PTPN12: variants seen among roughly 807,000 people sequenced by gnomAD.
The protein encoded by PTPN12 is protein tyrosine phosphatase non-receptor type 12.
Under a neutral mutation model 97.6 loss-of-function variants are expected in PTPN12, and 29 were observed. That is an observed-to-expected ratio of 0.30 (90% CI 0.22 to 0.41). The LOEUF is 0.41. PTPN12 is among the 10% of genes least tolerant of loss of function. PTPN12 has a pLI of 1.00. For synonymous variants in PTPN12, 327 were observed against 300.4 expected (o/e 1.09, Z -0.91); for missense variants, 819 against 926.0 (o/e 0.88, Z 1.50).
intron 13 of PTPN12, among the ~76,000 whole-genome samples, chr7:77,629,435 G>A (rs1404085167): frequency 1.3e-5 from 2 of 152,016 alleles, no homozygotes; most frequent in Non-Finnish European, 2.9e-5. Context: ...CTGCCCAGCT[G>A]TAACTATATA....
chr7:77,618,148 G>T (rs1466182970), intron 11 of PTPN12, among the ~76,000 whole-genome samples: 1 of 152,038 alleles, frequency 6.6e-6, no homozygotes, highest in East Asian at 1.9e-4. Context: ...CCTAGTGGTA[G>T]TGATGGCGGG....
chr7:77,584,960 A>G (rs368532625), intron 4 of PTPN12, among the ~76,000 whole-genome samples: 3 of 152,166 alleles, frequency 2.0e-5, no homozygotes, highest in African/African-American at 7.2e-5. Context: ...GATGTTCACA[A>G]CTTACTTTGA....
At chr7:77,557,534 T>C (rs1807777748) in intron 1 of PTPN12, among the ~76,000 whole-genome samples, 1 of 152,192 alleles carries the variant, frequency 6.6e-6, no homozygotes. Flanking sequence ...AGATTTTTTT[T>C]TGCATTTTTT....
intron 6 of PTPN12, among the ~76,000 whole-genome samples, chr7:77,594,906 T>C (rs886902934): frequency 6.6e-6 from 1 of 152,144 alleles, no homozygotes; most frequent in African/African-American, 2.4e-5. Context: ...TTTTTGAACA[T>C]TTGAGAGTCA....
At chr7:77,625,474 T>TCGCGCG (rs761174867) in intron 12 of PTPN12, among the ~76,000 whole-genome samples, 1,318 of 28,954 alleles carry the variant, frequency 0.046, 119 homozygotes, top group African/African-American at 0.08. Flanking sequence ...GGCTGCTCGC[T>TCGCGCG]CTCTCTCTCT....
intron 5 of PTPN12, among the ~76,000 whole-genome samples, chr7:77,586,016 C>T (rs1230154202): frequency 6.6e-6 from 1 of 152,032 alleles, no homozygotes; most frequent in African/African-American, 2.4e-5. Context: ...TGCAGTGGTA[C>T]AATCTTGGCT....
chr7:77,580,082 A>C (rs1481554472), intron 2 of PTPN12, among the ~76,000 whole-genome samples: 1 of 152,204 alleles, frequency 6.6e-6, no homozygotes, highest in Non-Finnish European at 1.5e-5. Flanking sequence ...TGTTTTTAAT[A>C]GGAAAAAAAT....
At position 77,627,321 on chromosome 7, in the gene PTPN12, C is replaced by T. The variant is rs775784427; in HGVS notation, c.1642C>T (p.Pro548Ser). 1 of 1,614,030 alleles carries T rather than the reference C, an allele frequency of 6.2e-7. No individual in the cohort carries two copies. The highest frequency in any genetic ancestry group is 8.5e-7 in the Non-Finnish European group (1 of 1,180,038). ...FHGPENAIPI[P>S]DLSEGNSSDI... is the part of the protein sequence containing the mutation. ...TGGACCTGAAAATGCCATACCCATA[C>T]CTGATTTATCTGAAGGCAATTCCTC... is the stretch of plus-strand genomic sequence containing the variant. The change falls in exon 13 of 18, where the codon CCT (proline) becomes TCT (serine). Residue 548 changes from proline (P) to serine (S), a missense_variant. Pro to Ser is a moderately conservative substitution (Grantham distance 74). Around this residue, in one of 5 missense-constraint regions of PTPN12, gnomAD observed 607 missense variants for 577.3 expected, o/e 1.05. Coordinates refer to ENST00000248594, the MANE Select transcript of PTPN12 (RefSeq NM_002835.4).
intron 11 of PTPN12, 94 bp downstream of exon 11, chr7:77,611,140 A>G: frequency 1.1e-6 from 1 of 940,894 alleles, no homozygotes; most frequent in South Asian, 1.5e-5. Flanking sequence ...GTTTTGTCTA[A>G]CATGAGAAGA....
chr7:77,553,069 T>C (rs947510518), intron 1 of PTPN12, among the ~76,000 whole-genome samples: 1 of 152,174 alleles, frequency 6.6e-6, no homozygotes, highest in African/African-American at 2.4e-5. Context: ...TATCTGAAAA[T>C]ACAGAGCTGA....
intron 12 of PTPN12, among the ~76,000 whole-genome samples, chr7:77,624,714 C>T (rs755100066): frequency 1.3e-5 from 2 of 151,718 alleles, no homozygotes; most frequent in South Asian, 2.1e-4. Context: ...GCTAGGATTA[C>T]AGGCGTGAGC....
chr7:77,617,149 G>A (rs1303778332), intron 11 of PTPN12, among the ~76,000 whole-genome samples: 2 of 152,068 alleles, frequency 1.3e-5, no homozygotes, highest in Non-Finnish European at 2.9e-5. Flanking sequence ...AAACTTTGGC[G>A]ACCAAAAGTC....
rs1461707896 is a variant in PTPN12, at chr7:77,551,634, C to T, written c.99+13989C>T. The stretch of plus-strand genomic sequence containing the variant: ...GTTGTCCTTTCTTAAAAAGAGGCAT[C>T]CATTTGTAAGCTGCTGATATTTGGG... On this transcript the variant is annotated intron_variant, in intron 1 of 17. Transcript: ENST00000248594. Among the ~76,000 whole-genome samples, 3 of 152,198 alleles carry T rather than the reference C, an allele frequency of 2.0e-5. No individual in the cohort carries two copies. The East Asian group carries it at 5.8e-4, about 29-fold the overall frequency.
At chr7:77,558,825 A>G (rs1030376649) in intron 1 of PTPN12, among the ~76,000 whole-genome samples, 5 of 152,202 alleles carry the variant, frequency 3.3e-5, no homozygotes, top group African/African-American at 4.8e-5. Flanking sequence ...CTTGGGCCAC[A>G]TAGTAAGACC....
intron 5 of PTPN12, among the ~76,000 whole-genome samples, chr7:77,591,035 T>C (rs907818270): frequency 1.3e-4 from 20 of 152,190 alleles, no homozygotes; most frequent in Admixed American, 8.5e-4. Flanking sequence ...TGAGACCCTA[T>C]CTAAAAAAAG....
intron 1 of PTPN12, among the ~76,000 whole-genome samples, chr7:77,543,875 C>T (rs1381033973): frequency 1.3e-5 from 2 of 152,094 alleles, no homozygotes; most frequent in African/African-American, 4.8e-5. Flanking sequence ...GAATAATATT[C>T]TATTGTATAG....
chr7:77,586,173 C>T (rs1338847589), intron 5 of PTPN12, among the ~76,000 whole-genome samples: 2 of 152,076 alleles, frequency 1.3e-5, no homozygotes, highest in South Asian at 2.1e-4. Context: ...AGGCTGGTTT[C>T]GAACTCCTGA....
At chr7:77,582,779 G>A (rs557634912) in intron 3 of PTPN12, among the ~76,000 whole-genome samples, 1 of 128,694 alleles carries the variant, frequency 7.8e-6, no homozygotes, top group Non-Finnish European at 1.6e-5. Flanking sequence ...GCAAGACTCC[G>A]TCTCAAAAAA....
At chr7:77,638,602 A>G in intron 16 of PTPN12, 22 bp from the exon 17 acceptor site, 15 of 1,553,598 alleles carry the variant, frequency 9.7e-6, no homozygotes, top group Non-Finnish European at 1.3e-5. Context: ...GTGATTAACA[A>G]AGGCTTTGTG....
Sources: allele counts gnomAD v4.1 joint callset (sites outside exome capture counted in the v4.1 genomes callset), GRCh38; gene constraint gnomAD v4.1.1; regional missense constraint gnomAD v4.1.1; transcripts MANE v1.5; gene names NCBI Gene and HGNC (gene_info 2026-07-23, HGNC 2026-07-21).